Variants in OSBP2 observed in about 807,000 individuals in gnomAD.
OSBP2 encodes oxysterol binding protein 2, also known as oxysterol-binding protein 2.
OSBP2 carries 66 observed loss-of-function variants against 96.0 expected under a neutral mutation model. The observed-to-expected ratio is 0.69, with a 90% CI of 0.56 to 0.84. The LOEUF (loss-of-function observed/expected upper bound fraction) is 0.84. OSBP2 is among the 40% of genes least tolerant of loss of function. The pLI, the probability that OSBP2 is intolerant of heterozygous loss-of-function variation, is 0.00. For missense variants in OSBP2, 1,038 were observed against 1,222.7 expected, an observed-to-expected ratio of 0.85 and a Z score of 2.25; for synonymous variants, 525 against 520.9, an observed-to-expected ratio of 1.01 and a Z score of -0.11.
rs985189187 is a variant in OSBP2 at position 30,890,386 on chromosome 22, G to C, written c.1624-342G>C. On this transcript the variant is annotated intron_variant, in intron 7 of 13. Transcript: ENST00000332585. The surrounding 1 kb of genome is among the most constrained non-coding windows in gnomAD (Gnocchi z 4.4). ...ACCCACAGACTCATGTGCCCATTCA[G>C]TCACTGCTTCCTAAGATTCTGCACT... Among the ~76,000 whole-genome samples the C allele has an allele frequency of 2.6e-5, 4 of 152,294 alleles. No homozygotes were observed. Among genetic ancestry groups the C allele is most frequent in the African/African-American group, 9.6e-5 (4 of 41,550 alleles).
chr22:30,733,550 C>T (rs1373733160), intron 1 of OSBP2, among the ~76,000 whole-genome samples: 1 of 152,158 alleles, frequency 6.6e-6, no homozygotes, highest in African/African-American at 2.4e-5. Flanking sequence ...AGATTGCATA[C>T]TCTGAGATGC....
Position 30,899,225 on chromosome 22 carries a change from A to AT in OSBP2, c.2375+5231dup, listed in dbSNP as rs201025373. ...AAGACCCTGTCTCTACAAAAAAAAA[A>AT]TTTTTTTAATTAGCCATGTGTAGTC... On this transcript the variant is annotated intron_variant, in intron 12 of 13. Coordinates refer to ENST00000332585, the MANE Select transcript of OSBP2 (RefSeq NM_030758.4). 4.8e-3 allele frequency among the ~76,000 whole-genome samples: 723 copies of AT among 151,898 alleles called. 1 individual carries two copies. Among genetic ancestry groups the AT allele is most frequent in the Middle Eastern group, 0.017 (5 of 294 alleles).
rs1253720364 is a variant in OSBP2, at chr22:30,856,683, A to C, written c.854-13746A>C. ...ATTACAGGCATGAGCCACCATGCCCAGCCAAGAGCCCTTCATTTTTGAGGA... is the reference window on the plus strand; with the variant it reads ...ATTACAGGCATGAGCCACCATGCCCCGCCAAGAGCCCTTCATTTTTGAGGA... On this transcript the variant is annotated intron_variant, in intron 2 of 13. Coordinates refer to ENST00000332585, the MANE Select transcript of OSBP2 (RefSeq NM_030758.4). Among the ~76,000 whole-genome samples, 4 of 152,044 alleles carry C rather than the reference A, an allele frequency of 2.6e-5. No individual in the cohort carries two copies. In the East Asian group the frequency reaches 7.7e-4, roughly 29 times the overall value.
chr22:30,834,811 CTTTTCTTTTT>C (rs1428336126), intron 2 of OSBP2, among the ~76,000 whole-genome samples: 1 of 150,004 alleles, frequency 6.7e-6, no homozygotes, highest in African/African-American at 2.4e-5. Context: ...CTTTTCTTTT[CTTTTCTTTTT>C]TTTTTCTTTT....
chr22:30,696,454 G>A (rs1055877996), intron 1 of OSBP2, among the ~76,000 whole-genome samples: 3 of 152,140 alleles, frequency 2.0e-5, no homozygotes, highest in African/African-American at 7.2e-5. Flanking sequence ...TGGGCCTAGG[G>A]GAAGGGCCTG....
intron 2 of OSBP2, among the ~76,000 whole-genome samples, chr22:30,755,385 T>A (rs2145762608): frequency 6.6e-6 from 1 of 152,304 alleles, no homozygotes; most frequent in African/African-American, 2.4e-5. Flanking sequence ...CCAAGCAGCC[T>A]TTCAAGAGAG....
chr22:30,728,394 CA>C lies in OSBP2; in HGVS notation c.645-12751del, dbSNP rs34137723. On this transcript the variant is annotated intron_variant, in intron 1 of 13. Coordinates refer to ENST00000332585, the MANE Select transcript of OSBP2 (RefSeq NM_030758.4). ...TGGGCAACAGAGCAAGACTCCGTCT[CA>C]AAAAAAAAAAAAAAATACAAAAATT... Among the ~76,000 whole-genome samples the C allele has an allele frequency of 4.4e-3, 586 of 131,904 alleles. 1 individual carries two copies. The highest frequency in any genetic ancestry group is 6.1e-3 in the Non-Finnish European group (384 of 62,726). The allele number at this position is 131,904 out of a possible 152,430, so 86.5% of individuals were successfully genotyped here.
intron 2 of OSBP2, among the ~76,000 whole-genome samples, chr22:30,810,722 A>G (rs1371711270): frequency 6.6e-6 from 1 of 152,108 alleles, no homozygotes; most frequent in Non-Finnish European, 1.5e-5. Context: ...CCTCATAGGA[A>G]TTGTGCCACG....
At chr22:30,728,212 C>T (rs1400426822) in intron 1 of OSBP2, among the ~76,000 whole-genome samples, 1 of 151,582 alleles carries the variant, frequency 6.6e-6, no homozygotes, top group Non-Finnish European at 1.5e-5. Flanking sequence ...CTGGCTAACA[C>T]AGTGAAACCC....
At chr22:30,752,127 C>T (rs2090082197) in intron 2 of OSBP2, among the ~76,000 whole-genome samples, 1 of 152,098 alleles carries the variant, frequency 6.6e-6, no homozygotes, top group Non-Finnish European at 1.5e-5. Context: ...GGCACCCAGC[C>T]ACCTCTGCTC....
intron 1 of OSBP2, among the ~76,000 whole-genome samples, chr22:30,738,481 A>C (rs1371764868): frequency 3.3e-5 from 5 of 152,110 alleles, no homozygotes; most frequent in African/African-American, 1.2e-4. Context: ...CTTCAGCTAC[A>C]CGTCATCTTC....
rs757417289 is a variant in OSBP2 at position 30,893,154 on chromosome 22, C to T, written c.1902C>T (p.Tyr634=). The T allele has an allele frequency of 1.5e-5, 24 of 1,613,982 alleles. No individual in the cohort carries two copies. The highest frequency in any genetic ancestry group is 1.8e-5 in the Non-Finnish European group (21 of 1,179,980). Residue 634 remains tyrosine, a synonymous_variant, in exon 9 of 14, where the codon TAC becomes TAT. Coordinates refer to ENST00000332585, the MANE Select transcript of OSBP2 (RefSeq NM_030758.4). The part of the protein sequence containing the change: ...VSHHPPSAAH[Y]VFSKHGWSLW... ...ACCACCCCCCCTCAGCTGCGCACTACGTGTTCTCCAAGCATGGCTGGAGCC... is the reference window on the plus strand; with the variant it reads ...ACCACCCCCCCTCAGCTGCGCACTATGTGTTCTCCAAGCATGGCTGGAGCC...
chr22:30,889,478 C>T lies in OSBP2; in HGVS notation c.1477-12C>T, dbSNP rs777545993. ...TCTGCTGACGGTGAGGGGGTCCCCA[C>T]TTATGTGGCAGGTACTAGATGGTGC... On this transcript the variant is annotated splice_polypyrimidine_tract_variant and intron_variant, in intron 6 of 13. Coordinates refer to ENST00000332585, the MANE Select transcript of OSBP2 (RefSeq NM_030758.4). 5 of 1,614,056 alleles carry T rather than the reference C, an allele frequency of 3.1e-6. No individual in the cohort carries two copies. Among genetic ancestry groups the T allele is most frequent in the Non-Finnish European group, 4.2e-6 (5 of 1,179,988 alleles).
intron 2 of OSBP2, among the ~76,000 whole-genome samples, chr22:30,758,806 T>C (rs977442603): frequency 1.1e-4 from 17 of 152,096 alleles, no homozygotes; most frequent in Admixed American, 4.6e-4. Context: ...ATAGGTGTGG[T>C]GGTGGGAAGT....
chr22:30,749,511 A>G (rs1253145241), intron 2 of OSBP2, among the ~76,000 whole-genome samples: 1 of 152,192 alleles, frequency 6.6e-6, no homozygotes, highest in Non-Finnish European at 1.5e-5. Context: ...AACTTGTGAC[A>G]TTTGGCCGGA....
chr22:30,737,636 A>G (rs1316417425), intron 1 of OSBP2, among the ~76,000 whole-genome samples: 2 of 151,818 alleles, frequency 1.3e-5, no homozygotes, highest in African/African-American at 2.4e-5. Flanking sequence ...ACCTAACTTC[A>G]AGAACTCTTG....
rs569416675 is a variant in OSBP2, at chr22:30,785,920, G to A, written c.853+44551G>A. Among the ~76,000 whole-genome samples the A allele has an allele frequency of 2.2e-4, 33 of 152,240 alleles. No individual in the cohort carries two copies. In the South Asian group the frequency reaches 5.2e-3, roughly 24 times the overall value. Reference sequence around the variant, plus strand: ...TTATAAGTTTCCTGAGGCCTCCTCAGCCATGCAGAACTGTGAGTCAATTAA... The same window carrying A: ...TTATAAGTTTCCTGAGGCCTCCTCAACCATGCAGAACTGTGAGTCAATTAA... On this transcript the variant is annotated intron_variant, in intron 2 of 13. Transcript: ENST00000332585.
rs559939206 is a variant in OSBP2, at chr22:30,887,662, A to G, written c.1300+44A>G. 546 of 1,493,564 alleles carry G rather than the reference A, an allele frequency of 3.7e-4. 11 individuals carry two copies. The South Asian group carries it at 5.3e-3, about 15-fold the overall frequency. The allele number at this position is 1,493,564 out of a possible 1,614,324, so 92.5% of individuals were successfully genotyped here. On this transcript the variant is annotated intron_variant, in intron 4 of 13. Transcript: ENST00000332585. The stretch of plus-strand genomic sequence containing the variant: ...CAGGGCTGTCCCATGACCTTCTGCC[A>G]GCTGGCTCTGCATACACAACTTCTG...
chr22:30,741,612 T>G (rs942319828), intron 2 of OSBP2, among the ~76,000 whole-genome samples: 2 of 152,118 alleles, frequency 1.3e-5, no homozygotes, highest in African/African-American at 4.8e-5. Context: ...TGTGTGCCTT[T>G]CTTTGGGCTA....
Sources: gnomAD v4.1 joint callset for allele counts (sites outside exome capture counted in the v4.1 genomes callset) on GRCh38, gnomAD v4.1.1 for gene constraint, Gnocchi (gnomAD v3.1) non-coding constraint, MANE v1.5 for transcripts, NCBI Gene and HGNC (gene_info 2026-07-23, HGNC 2026-07-21) for gene names.